Variants in DAPK2 observed in about 807,000 individuals in gnomAD.
DAPK2 encodes the protein death-associated protein kinase 2.
Under a neutral mutation model 44.1 loss-of-function variants are expected in DAPK2, and 35 were observed. That is an observed-to-expected ratio of 0.79 (90% CI 0.61 to 1.05). The LOEUF (loss-of-function observed/expected upper bound fraction) is 1.05. Among genes scored for constraint, DAPK2 ranks in the 50% least tolerant of loss-of-function variants. The pLI is 0.00. For synonymous variants in DAPK2, 174 were observed against 182.6 expected, an observed-to-expected ratio of 0.95 and a Z score of 0.38; for missense variants, 453 against 483.2, an observed-to-expected ratio of 0.94 and a Z score of 0.59.
chr15:63,975,076 T>G (rs187518111), intron 2 of DAPK2, among the ~76,000 whole-genome samples: 1 of 152,264 alleles, frequency 6.6e-6, no homozygotes, highest in East Asian at 1.9e-4. Context: ...TTCAGTTGGT[T>G]GAGGGGGCTT....
chr15:64,026,389 G>A (rs11631409), intron 1 of DAPK2, among the ~76,000 whole-genome samples: 17,176 of 152,010 alleles, frequency 0.11, 1,326 homozygotes, highest in South Asian at 0.35. Flanking sequence ...GACTACAGGC[G>A]CATGCCACCA....
rs2078063341 is a variant in DAPK2 at position 63,966,723 on chromosome 15, A to C, written c.453+4700T>G. ...CTGTGACAGGGCAGCACTGAGTTTC[A>C]ATGCAAAGTCCCACAATTGCTGCAC... On this transcript the variant is annotated intron_variant, in intron 3 of 10. Coordinates refer to ENST00000261891, the Ensembl canonical transcript of DAPK2. The surrounding 1 kb of genome is among the most constrained non-coding windows in gnomAD (Gnocchi z 5.5). 6.6e-6 allele frequency among the ~76,000 whole-genome samples: 1 copy of C among 152,082 alleles called. No individual in the cohort carries two copies. Among genetic ancestry groups the C allele is most frequent in the African/African-American group, 2.4e-5 (1 of 41,392 alleles).
exon 2 of DAPK2, chr15:63,983,624 C>T (rs751495460): frequency 3.1e-6 from 5 of 1,614,198 alleles, no homozygotes; most frequent in Non-Finnish European, 4.2e-6. Flanking sequence ...AGGATGCTCA[C>T]CTCCCGCTCG....
At chr15:64,044,704 C>G (rs555804698), upstream of DAPK2, among the ~76,000 whole-genome samples, 7 of 152,188 alleles carry the variant, frequency 4.6e-5, no homozygotes, top group Non-Finnish European at 8.8e-5. Flanking sequence ...AAGATCACCT[C>G]ATAGGAAACT....
At chr15:63,949,171 A>C (rs2077525654) in intron 3 of DAPK2, among the ~76,000 whole-genome samples, 1 of 152,202 alleles carries the variant, frequency 6.6e-6, no homozygotes, top group Non-Finnish European at 1.5e-5. Flanking sequence ...ACTCAGTTGC[A>C]CTTGGATTTG....
chr15:63,910,453 C>A (rs3794800), intron 10 of DAPK2, among the ~76,000 whole-genome samples: 1 of 152,206 alleles, frequency 6.6e-6, no homozygotes, highest in African/African-American at 2.4e-5. Context: ...CCCTACACCA[C>A]GCTCCATAAG....
intron 1 of DAPK2, among the ~76,000 whole-genome samples, chr15:63,984,955 C>G (rs1264373304): frequency 6.6e-6 from 1 of 152,220 alleles, no homozygotes; most frequent in Non-Finnish European, 1.5e-5. Context: ...TCAAGTTCAG[C>G]AAGCAACAGA....
chr15:64,037,744 G>A (rs1237865561), intron 1 of DAPK2, among the ~76,000 whole-genome samples: 1 of 152,106 alleles, frequency 6.6e-6, no homozygotes, highest in African/African-American at 2.4e-5. Context: ...TCCCTTCTCT[G>A]AGCCTCCATT....
chr15:64,001,567 C>T (rs1293379505), intron 1 of DAPK2, among the ~76,000 whole-genome samples: 2 of 152,184 alleles, frequency 1.3e-5, no homozygotes, highest in African/African-American at 4.8e-5. Context: ...GAAATCTCCC[C>T]TTATGGCACA....
Position 63,982,334 on chromosome 15 carries a change from A to G in DAPK2, c.314+1199T>C, listed in dbSNP as rs1276041619. Among the ~76,000 whole-genome samples, 4 of 151,734 alleles carry G rather than the reference A, an allele frequency of 2.6e-5. No individual in the cohort carries two copies. The South Asian group carries it at 8.3e-4, about 32-fold the overall frequency. On this transcript the variant is annotated intron_variant, in intron 2 of 10. Transcript: ENST00000261891. The stretch of plus-strand genomic sequence containing the variant: ...GCCTCCCGAGTAGCTGGGATTACAG[A>G]CACCTGCCACCACACCCGGCTAATT...
chr15:63,983,651 C>T (rs1186320632), exon 2 of DAPK2: 1 of 1,614,210 alleles, frequency 6.2e-7, no homozygotes, highest in Admixed American at 1.7e-5. Context: ...TCCCGGCTCA[C>T]ACCGCGCCGG....
intron 10 of DAPK2, chr15:63,911,648 C>T (rs958952298): frequency 1.4e-5 from 7 of 510,072 alleles, no homozygotes; most frequent in African/African-American, 1.3e-4. Flanking sequence ...TCTGAAGGCC[C>T]ACCAGGAAAG....
chr15:63,922,325 A>G, intron 8 of DAPK2: 1 of 999,674 alleles, frequency 1.0e-6, no homozygotes, highest in Non-Finnish European at 1.2e-6. Context: ...ATGCTGACTT[A>G]GTTATTCCTA....
At chr15:64,036,773 A>G (rs960229465) in intron 1 of DAPK2, among the ~76,000 whole-genome samples, 13 of 152,064 alleles carry the variant, frequency 8.5e-5, no homozygotes, top group African/African-American at 2.7e-4. Flanking sequence ...CAGCCAAGTA[A>G]AGAGGTTTAT....
intron 1 of DAPK2, among the ~76,000 whole-genome samples, chr15:64,011,885 A>G (rs966412967): frequency 2.0e-5 from 3 of 152,194 alleles, no homozygotes; most frequent in African/African-American, 7.2e-5. Flanking sequence ...TAAGTGGGAG[A>G]AATTCCAAGG....
At chr15:63,931,681 C>T (rs564532057) in intron 4 of DAPK2, among the ~76,000 whole-genome samples, 3 of 152,220 alleles carry the variant, frequency 2.0e-5, no homozygotes, top group African/African-American at 7.2e-5. Flanking sequence ...AGAGCCATCA[C>T]GTTTGGAGCC....
Position 63,916,465 on chromosome 15 carries a change from C to G in DAPK2, c.859-4268G>C, listed in dbSNP as rs529957011. On this transcript the variant is annotated intron_variant, in intron 8 of 10. Coordinates refer to ENST00000261891, the Ensembl canonical transcript of DAPK2. This position sits in a 1 kb window ranked among gnomAD's most constrained non-coding sequence, Gnocchi z 4.7. ...CACCCACTTCTCTCCTGCCCAGGAC[C>G]CCTCCCCGCTGCCCTTCCCTCAATG... 2.0e-5 allele frequency: 3 copies of G among 152,570 alleles called. No individual in the cohort carries two copies. Among genetic ancestry groups the G allele is most frequent in the African/African-American group, 7.2e-5 (3 of 41,572 alleles). The allele number at this position is 152,570 out of a possible 1,614,324, so 9.5% of individuals were successfully genotyped here.
chr15:64,007,708 G>C (rs1318230073), intron 1 of DAPK2, among the ~76,000 whole-genome samples: 1 of 152,224 alleles, frequency 6.6e-6, no homozygotes, highest in Admixed American at 6.5e-5. Flanking sequence ...CAAATAGCTT[G>C]GAGCATACAA....
chr15:64,013,960 CAGAA>C lies in DAPK2; in HGVS notation c.92+26206_92+26209del, dbSNP rs2079454581. On this transcript the variant is annotated intron_variant, in intron 1 of 10. Transcript: ENST00000261891. This position sits in a 1 kb window ranked among gnomAD's most constrained non-coding sequence, Gnocchi z 4.7. ...CTCTGGGTGTGGCTGGCAGCTGTGCCAGAAAGAAACACCTTCTAGCCAGGGTTCT... is the reference window on the plus strand; with the variant it reads ...CTCTGGGTGTGGCTGGCAGCTGTGCCAGAAACACCTTCTAGCCAGGGTTCT... Among the ~76,000 whole-genome samples the C allele has an allele frequency of 6.6e-6, 1 of 152,202 alleles. No homozygotes were observed. Among genetic ancestry groups the C allele is most frequent in the Non-Finnish European group, 1.5e-5 (1 of 68,048 alleles).
Sources: gnomAD v4.1 joint callset for allele counts (sites outside exome capture counted in the v4.1 genomes callset) on GRCh38, gnomAD v4.1.1 for gene constraint, Gnocchi (gnomAD v3.1) non-coding constraint, MANE v1.5 for transcripts, NCBI Gene and HGNC (gene_info 2026-07-23, HGNC 2026-07-21) for gene names.